Variants in ZNF507 observed in about 807,000 individuals in gnomAD.
ZNF507 encodes the protein zinc finger protein 507.
Under a neutral mutation model 80.0 loss-of-function variants are expected in ZNF507, and 29 were observed. The observed-to-expected ratio is 0.36, with a 90% CI of 0.27 to 0.49. The LOEUF is 0.49. Ranked by LOEUF, ZNF507 falls within the 20% of genes least tolerant of loss-of-function variation. ZNF507 has a pLI of 0.98. For synonymous variants in ZNF507, 462 were observed against 422.5 expected (o/e 1.09, Z -1.15); for missense variants, 1,081 against 1,152.2 (o/e 0.94, Z 0.90).
chr19:32,378,796 G>A (rs142588234), intron 5 of ZNF507, among the ~76,000 whole-genome samples: 2,015 of 152,208 alleles, frequency 0.013, 23 homozygotes, highest in Middle Eastern at 0.065. Context: ...TGAAATTCTT[G>A]TTGCATAAGT....
intron 2 of ZNF507, among the ~76,000 whole-genome samples, chr19:32,350,474 T>A (rs1396613842): frequency 6.6e-6 from 1 of 152,210 alleles, no homozygotes; most frequent in Non-Finnish European, 1.5e-5. Flanking sequence ...ATCTGAATGT[T>A]TTGTCAGATT....
At chr19:32,380,526 G>A (rs1028016685) in intron 5 of ZNF507, 16 of 1,347,070 alleles carry the variant, frequency 1.2e-5, no homozygotes, top group Middle Eastern at 1.8e-4. Flanking sequence ...GTCTTTGACC[G>A]TATTTAATTG....
In ZNF507 at chr19:32,353,614, A is replaced by T. The variant is rs889566425; in HGVS notation, c.784A>T (p.Met262Leu). 6.2e-7 allele frequency: 1 copy of T among 1,614,216 alleles called. No homozygotes were observed. Among genetic ancestry groups the T allele is most frequent in the Non-Finnish European group, 8.5e-7 (1 of 1,180,046 alleles). ...FCSYTCGQQRMLKTHAWKHAG... is the reference protein window; with the variant it reads ...FCSYTCGQQRLLKTHAWKHAG... ...TAGTTATACTTGTGGCCAGCAGAGA[A>T]TGTTGAAAACACACGCTTGGAAACA... The change falls in exon 3 of 7, where the codon ATG becomes TTG. Residue 262 changes from methionine (M) to leucine (L), a missense_variant. Transcript: ENST00000355898.
chr19:32,353,193 G>A lies in ZNF507; in HGVS notation c.363G>A (p.Lys121=). The A allele has an allele frequency of 6.2e-7, 1 of 1,614,162 alleles. No individual in the cohort carries two copies. Among genetic ancestry groups the A allele is most frequent in the South Asian group, 1.1e-5 (1 of 91,082 alleles). Residue 121 remains lysine, a synonymous_variant, in exon 3 of 7, where the codon AAG becomes AAA. Transcript: ENST00000355898. ...ACACTCTTGCCCAGAATGAAGGGAA[G>A]GCTATGTCTTATCAGTGTAGCCTTT... The part of the protein sequence containing the change: ...TPDTLAQNEG[K]AMSYQCSLCK...
chr19:32,377,503 A>C (rs1418909670), intron 5 of ZNF507, among the ~76,000 whole-genome samples: 1 of 152,252 alleles, frequency 6.6e-6, no homozygotes, highest in Non-Finnish European at 1.5e-5. Context: ...ATATATAATC[A>C]TATCTATGAT....
At chr19:32,349,444 G>T (rs1009705239) in intron 2 of ZNF507, among the ~76,000 whole-genome samples, 5 of 152,234 alleles carry the variant, frequency 3.3e-5, no homozygotes, top group Non-Finnish European at 7.3e-5. Flanking sequence ...GAGCTCTTCA[G>T]TATCTTTCAG....
chr19:32,364,597 A>T (rs1039848160), intron 5 of ZNF507, among the ~76,000 whole-genome samples: 1 of 152,186 alleles, frequency 6.6e-6, no homozygotes, highest in Admixed American at 6.5e-5. Flanking sequence ...TTGGTTTTCC[A>T]TTCCTGAGTT....
At chr19:32,379,970 T>C (rs1024081219) in intron 5 of ZNF507, among the ~76,000 whole-genome samples, 1 of 152,198 alleles carries the variant, frequency 6.6e-6, no homozygotes, top group African/African-American at 2.4e-5. Context: ...TGTGTGCCAC[T>C]TCAGCCTTAA....
intron 5 of ZNF507, among the ~76,000 whole-genome samples, chr19:32,365,801 G>A (rs1291181503): frequency 6.6e-6 from 1 of 152,140 alleles, no homozygotes; most frequent in East Asian, 1.9e-4. Context: ...GTGGCAGGGG[G>A]ACAGCATGAT....
Position 32,353,476 on chromosome 19 carries a change from G to C in ZNF507, c.646G>C (p.Val216Leu). The C allele has an allele frequency of 2.5e-6, 4 of 1,614,210 alleles. No homozygotes were observed. Among genetic ancestry groups the C allele is most frequent in the Non-Finnish European group, 3.4e-6 (4 of 1,180,034 alleles). The change falls in exon 3 of 7, where the codon GTA (valine) becomes CTA (leucine). Residue 216 changes from valine to leucine, a missense_variant. Physicochemically the swap from Val to Leu is conservative, Grantham distance 32 (BLOSUM62 1). Transcript: ENST00000355898. ...AAATGAAACCATTCCAGATATCCCA[G>C]TAAGTGTGGACAATCTACAGACTCA... is the stretch of plus-strand genomic sequence containing the variant. ...ERNETIPDIP[V>L]SVDNLQTHTV...
chr19:32,368,178 A>G (rs1256457688), intron 5 of ZNF507, among the ~76,000 whole-genome samples: 1 of 152,162 alleles, frequency 6.6e-6, no homozygotes, highest in African/African-American at 2.4e-5. Flanking sequence ...AGGGTGTGAA[A>G]CAGAAGCAAT....
intron 5 of ZNF507, among the ~76,000 whole-genome samples, chr19:32,368,154 G>A (rs1449930942): frequency 6.6e-6 from 1 of 152,200 alleles, no homozygotes; most frequent in Non-Finnish European, 1.5e-5. Context: ...CATGCCAGCA[G>A]CCCACACCAA....
Position 32,382,703 on chromosome 19 carries a change from G to A in ZNF507, c.2496-14G>A. ...AGCCTCCTCACGGTGTGCTGTGTTT[G>A]TTTTGTTTTTAAGAGTTCTGGGGAA... On this transcript the variant is annotated splice_polypyrimidine_tract_variant and intron_variant, in intron 6 of 6. Transcript: ENST00000355898. The A allele has an allele frequency of 1.9e-6, 3 of 1,609,866 alleles. No homozygotes were observed. The highest frequency in any genetic ancestry group is 1.1e-5 in the South Asian group (1 of 90,788).
intron 5 of ZNF507, among the ~76,000 whole-genome samples, chr19:32,364,078 C>G (rs1967365214): frequency 6.6e-6 from 1 of 152,180 alleles, no homozygotes; most frequent in Non-Finnish European, 1.5e-5. Context: ...TTATGAAGTA[C>G]CCAGCATGTT....
At chr19:32,379,727 C>T (rs1967599461) in intron 5 of ZNF507, among the ~76,000 whole-genome samples, 2 of 151,824 alleles carry the variant, frequency 1.3e-5, no homozygotes, top group South Asian at 2.1e-4. Flanking sequence ...TTTTTCTTTT[C>T]ACTGATCATT....
intron 5 of ZNF507, among the ~76,000 whole-genome samples, chr19:32,377,319 C>T (rs1177608582): frequency 6.6e-6 from 1 of 152,202 alleles, no homozygotes; most frequent in African/African-American, 2.4e-5. Flanking sequence ...TCTGGTGGCC[C>T]TGTCCAGGCA....
intron 5 of ZNF507, among the ~76,000 whole-genome samples, chr19:32,365,079 AT>A (rs1458899719): frequency 2.0e-5 from 3 of 151,934 alleles, no homozygotes; most frequent in Non-Finnish European, 4.4e-5. Context: ...GTTGCATTTG[AT>A]TTGCATTTCC....
chr19:32,351,784 G>T (rs558865220), intron 2 of ZNF507, among the ~76,000 whole-genome samples: 1 of 152,016 alleles, frequency 6.6e-6, no homozygotes, highest in Non-Finnish European at 1.5e-5. Context: ...AACAAAACTT[G>T]TTGCTGGAAA....
intron 3 of ZNF507, among the ~76,000 whole-genome samples, chr19:32,355,613 A>G (rs1967241816): frequency 6.6e-6 from 1 of 152,178 alleles, no homozygotes; most frequent in Non-Finnish European, 1.5e-5. Flanking sequence ...GAAACGTTGA[A>G]TCATTGGTTT....
Sources: gnomAD v4.1 joint callset for allele counts (sites outside exome capture counted in the v4.1 genomes callset) on GRCh38, gnomAD v4.1.1 for gene constraint, MANE v1.5 for transcripts, NCBI Gene and HGNC (gene_info 2026-07-23, HGNC 2026-07-21) for gene names.